GHR: variants seen among roughly 807,000 people sequenced by gnomAD.
The protein encoded by GHR is GH receptor.
A neutral mutation model predicts 67.1 loss-of-function variants in GHR; 35 were observed. That is an observed-to-expected ratio of 0.52 (90% CI 0.40 to 0.69). The LOEUF is 0.69. Ranked by LOEUF, GHR falls within the 30% of genes least tolerant of loss-of-function variation. The probability of loss-of-function intolerance (pLI) is 0.00; values close to 1 mark genes in which losing one functional copy is unlikely to be tolerated. For missense variants in GHR, 792 were observed against 764.6 expected (o/e 1.04, Z -0.42); for synonymous variants, 272 against 269.1 (o/e 1.01, Z -0.10).
chr5:42,646,122 G>A (rs1754716449), intron 3 of GHR, among the ~76,000 whole-genome samples: 1 of 151,758 alleles, frequency 6.6e-6, no homozygotes, highest in African/African-American at 2.4e-5. Flanking sequence ...GTTCCATGGA[G>A]CAGAGCAAGT....
chr5:42,667,173 T>C (rs966070392), intron 3 of GHR, among the ~76,000 whole-genome samples: 2 of 152,176 alleles, frequency 1.3e-5, no homozygotes, highest in Non-Finnish European at 2.9e-5. Flanking sequence ...ATGTTTCTGC[T>C]ATACACAAGT....
chr5:42,433,378 A>G lies in GHR; in HGVS notation c.-12+9423A>G, dbSNP rs182081847. Among the ~76,000 whole-genome samples the G allele has an allele frequency of 4.8e-3, 738 of 152,246 alleles. 6 individuals are homozygous for G. Among genetic ancestry groups the G allele is most frequent in the African/African-American group, 0.013 (542 of 41,558 alleles). ...TAAGTTTTTTTTTAAATTAGCCTACAGGATGTAAGTCTGGCCAGGCTAGTG... is the reference window on the plus strand; with the variant it reads ...TAAGTTTTTTTTTAAATTAGCCTACGGGATGTAAGTCTGGCCAGGCTAGTG... On this transcript the variant is annotated intron_variant, in intron 1 of 9. Coordinates refer to ENST00000230882, the MANE Select transcript of GHR (RefSeq NM_000163.5).
At chr5:42,441,438 T>A (rs902007151) in intron 1 of GHR, among the ~76,000 whole-genome samples, 2 of 151,942 alleles carry the variant, frequency 1.3e-5, no homozygotes, top group African/African-American at 4.8e-5. Flanking sequence ...TGAATATAGA[T>A]AACTCAAGAT....
chr5:42,600,492 C>A (rs183413685), intron 2 of GHR, among the ~76,000 whole-genome samples: 59 of 152,312 alleles, frequency 3.9e-4, no homozygotes, highest in Non-Finnish European at 6.9e-4. Context: ...AAGAGTCTTG[C>A]TCTTGAGTGA....
At chr5:42,520,405 T>G (rs1337754485) in intron 1 of GHR, among the ~76,000 whole-genome samples, 2 of 152,106 alleles carry the variant, frequency 1.3e-5, no homozygotes, top group East Asian at 1.9e-4. Flanking sequence ...TGGTCAGAGA[T>G]CTCATGGGGA....
intron 5 of GHR, among the ~76,000 whole-genome samples, chr5:42,697,045 G>T (rs183078849): frequency 8.1e-4 from 124 of 152,294 alleles, no homozygotes; most frequent in African/African-American, 3.0e-3. Context: ...AGACTGAGAT[G>T]ATCAAGGTAA....
At chr5:42,625,737 A>C (rs1753668834) in intron 2 of GHR, among the ~76,000 whole-genome samples, 1 of 152,044 alleles carries the variant, frequency 6.6e-6, no homozygotes, top group Non-Finnish European at 1.5e-5. Context: ...AATGGAAAGG[A>C]CTATTCAGGT....
At chr5:42,483,028 C>T (rs1293026222) in intron 1 of GHR, among the ~76,000 whole-genome samples, 1 of 152,192 alleles carries the variant, frequency 6.6e-6, no homozygotes, top group East Asian at 1.9e-4. Context: ...TGGCTCCTCC[C>T]CCAGATCACA....
intron 4 of GHR, 59 bp from the exon 5 acceptor site, chr5:42,694,858 G>T (rs1449374421): frequency 1.6e-6 from 2 of 1,286,360 alleles, no homozygotes; most frequent in African/African-American, 2.9e-5. Context: ...ACCTTACTTG[G>T]ACTTAAGCTA....
intron 3 of GHR, among the ~76,000 whole-genome samples, chr5:42,645,002 T>C (rs1480361363): frequency 6.6e-6 from 1 of 152,176 alleles, no homozygotes; most frequent in Non-Finnish European, 1.5e-5. Flanking sequence ...CTTTTGTCTT[T>C]ATTACTAGTG....
intron 6 of GHR, among the ~76,000 whole-genome samples, chr5:42,709,357 G>T (rs1371517279): frequency 6.6e-6 from 1 of 152,160 alleles, no homozygotes; most frequent in Non-Finnish European, 1.5e-5. Flanking sequence ...TGGCCAGACT[G>T]GTCTCGAACT....
chr5:42,644,105 C>A (rs1412023377), intron 3 of GHR, among the ~76,000 whole-genome samples: 24 of 152,062 alleles, frequency 1.6e-4, no homozygotes, highest in Admixed American at 1.6e-3. Flanking sequence ...GCAAGATGAT[C>A]AGTGAATGAT....
chr5:42,480,987 G>A (rs1745604177), intron 1 of GHR, among the ~76,000 whole-genome samples: 1 of 152,138 alleles, frequency 6.6e-6, no homozygotes. Context: ...TAGCCTTGAT[G>A]GTCTTTACAA....
chr5:42,622,472 G>A (rs1753498114), intron 2 of GHR, among the ~76,000 whole-genome samples: 1 of 152,142 alleles, frequency 6.6e-6, no homozygotes, highest in Non-Finnish European at 1.5e-5. Context: ...GCAGGGAGGG[G>A]TATGGAAGGG....
intron 2 of GHR, among the ~76,000 whole-genome samples, chr5:42,567,959 A>AT (rs1165033111): frequency 6.6e-6 from 1 of 152,168 alleles, no homozygotes; most frequent in African/African-American, 2.4e-5. Flanking sequence ...AAATCATTTT[A>AT]TTTTTATTGT....
At chr5:42,461,509 C>T (rs1744486055) in intron 1 of GHR, among the ~76,000 whole-genome samples, 1 of 152,196 alleles carries the variant, frequency 6.6e-6, no homozygotes. Flanking sequence ...TCATGACTGT[C>T]AGCCTGATTG....
At chr5:42,603,010 C>A (rs1213784075) in intron 2 of GHR, among the ~76,000 whole-genome samples, 1 of 152,098 alleles carries the variant, frequency 6.6e-6, no homozygotes, top group Non-Finnish European at 1.5e-5. Context: ...TAAGAGCTAT[C>A]TTTGGCATTT....
chr5:42,701,948 T>G (rs1419689746), intron 6 of GHR, among the ~76,000 whole-genome samples: 1 of 152,108 alleles, frequency 6.6e-6, no homozygotes, highest in Non-Finnish European at 1.5e-5. Context: ...ATCAAAAATT[T>G]TTTTGTATAT....
chr5:42,676,064 A>T (rs1163488265), intron 3 of GHR, among the ~76,000 whole-genome samples: 2 of 152,222 alleles, frequency 1.3e-5, no homozygotes, highest in Non-Finnish European at 2.9e-5. Context: ...AGGCGGGAAG[A>T]TCATGAGGTC....
Sources: gnomAD v4.1 joint callset for allele counts (sites outside exome capture counted in the v4.1 genomes callset) on GRCh38, gnomAD v4.1.1 for gene constraint, MANE v1.5 for transcripts, NCBI Gene and HGNC (gene_info 2026-07-23, HGNC 2026-07-21) for gene names.